Variants in CALN1 observed in about 807,000 individuals in gnomAD.
The protein encoded by CALN1 is calcium-binding protein 8.
A neutral mutation model predicts 30.6 loss-of-function variants in CALN1; 17 were observed. The ratio of observed to expected loss-of-function variants is 0.56; its 90% CI spans 0.38 to 0.83. The LOEUF is 0.83. CALN1 is among the 40% of genes least tolerant of loss of function. CALN1 has a pLI of 0.00. For missense variants in CALN1, 291 were observed against 354.9 expected, an observed-to-expected ratio of 0.82 and a Z score of 1.45; for synonymous variants, 156 against 131.4, an observed-to-expected ratio of 1.19 and a Z score of -1.28.
chr7:71,948,236 TG>T (rs11303400), intron 5 of CALN1, among the ~76,000 whole-genome samples: 105,046 of 151,776 alleles, frequency 0.69, 36,954 homozygotes, highest in Non-Finnish European at 0.74. Context: ...CTGTTCTGAG[TG>T]GGGGGGAAGA....
At chr7:72,169,222 A>G (rs1788761276) in intron 3 of CALN1, among the ~76,000 whole-genome samples, 1 of 152,100 alleles carries the variant, frequency 6.6e-6, no homozygotes, top group African/African-American at 2.4e-5. Context: ...AAAGAACTTA[A>G]GACAAAAAAA....
chr7:72,192,625 TTTATTATTATTATTA>T (rs140672013), intron 3 of CALN1, among the ~76,000 whole-genome samples: 3,088 of 143,790 alleles, frequency 0.021, 128 homozygotes, highest in East Asian at 0.11. Flanking sequence ...TCCCATTTCT[TTTATTATTATTATTA>T]TTATTATTAT....
Position 72,252,692 on chromosome 7 carries a change from C to A in CALN1, c.244+25994G>T, listed in dbSNP as rs575212554. Among the ~76,000 whole-genome samples the A allele has an allele frequency of 1.1e-4, 16 of 152,136 alleles. 1 individual carries two copies. The South Asian group carries it at 3.3e-3, about 32-fold the overall frequency. On this transcript the variant is annotated intron_variant, in intron 3 of 6. Coordinates refer to ENST00000395275, the MANE Select transcript of CALN1 (RefSeq NM_031468.4). Reference sequence around the variant, plus strand: ...CCACTGCTCCTTCCAACCTCCAGGGCCACCACCCTTGTCCTAGCCACCACC... The same window carrying A: ...CCACTGCTCCTTCCAACCTCCAGGGACACCACCCTTGTCCTAGCCACCACC...
chr7:72,261,947 T>G, intron 3 of CALN1, among the ~76,000 whole-genome samples: 1 of 151,802 alleles, frequency 6.6e-6, no homozygotes. Flanking sequence ...CTCCTGAAAA[T>G]AGGCATGCTA....
At position 72,145,001 on chromosome 7, in the gene CALN1, T is replaced by G. The variant is rs565605443; in HGVS notation, c.245-38707A>C. On this transcript the variant is annotated intron_variant, in intron 3 of 6. Coordinates refer to ENST00000395275, the MANE Select transcript of CALN1 (RefSeq NM_031468.4). ...GTAGAGGGAAATTTATAGCACTAAA[T>G]GCCCACAAGAGAAAGCAGGGAAGTT... is the stretch of plus-strand genomic sequence containing the variant. Among the ~76,000 whole-genome samples the G allele has an allele frequency of 3.9e-5, 6 of 152,190 alleles. 1 individual carries two copies. In the South Asian group the frequency reaches 1.2e-3, roughly 32 times the overall value.
intron 2 of CALN1, among the ~76,000 whole-genome samples, chr7:72,331,644 A>G (rs1315447388): frequency 1.3e-5 from 2 of 152,056 alleles, no homozygotes; most frequent in African/African-American, 2.4e-5. Context: ...CAGAATATCT[A>G]TTTATTTACT....
chr7:71,829,468 T>C (rs1315725370), intron 5 of CALN1, among the ~76,000 whole-genome samples: 1 of 152,186 alleles, frequency 6.6e-6, no homozygotes, highest in Non-Finnish European at 1.5e-5. Flanking sequence ...ACAAAGTGTA[T>C]GATAATTTGT....
At chr7:72,342,523 A>G (rs1445130598) in intron 2 of CALN1, among the ~76,000 whole-genome samples, 4 of 152,210 alleles carry the variant, frequency 2.6e-5, no homozygotes, top group Admixed American at 2.6e-4. Flanking sequence ...AACAAAATGA[A>G]CAGGAAGGAC....
intron 5 of CALN1, among the ~76,000 whole-genome samples, chr7:71,839,262 G>A (rs1029259106): frequency 6.6e-6 from 1 of 152,158 alleles, no homozygotes; most frequent in Non-Finnish European, 1.5e-5. Context: ...TTTTGGGCCA[G>A]GTGCTCATGC....
intron 5 of CALN1, among the ~76,000 whole-genome samples, chr7:71,848,112 G>A (rs943612922): frequency 1.6e-4 from 25 of 152,164 alleles, no homozygotes; most frequent in Non-Finnish European, 5.9e-5. Flanking sequence ...ATTCACCATT[G>A]CAGAAGTGAA....
intron 4 of CALN1, among the ~76,000 whole-genome samples, chr7:72,054,502 T>TATATAC (rs1554425551): frequency 9.1e-5 from 12 of 131,520 alleles, no homozygotes; most frequent in Middle Eastern, 3.9e-3. Context: ...CATATATACA[T>TATATAC]ATATATACAT....
intron 3 of CALN1, among the ~76,000 whole-genome samples, chr7:72,272,616 T>G (rs995043681): frequency 6.6e-6 from 1 of 152,088 alleles, no homozygotes. Flanking sequence ...CATGCACACA[T>G]GTGAGAGGCT....
the CALN1 span, among the ~76,000 whole-genome samples, chr7:72,503,828 G>A: frequency 1.7e-5 from 2 of 119,190 alleles, no homozygotes; most frequent in African/African-American, 8.0e-5. Flanking sequence ...TCTGGCCAGA[G>A]AGGAGGATCG....
intron 5 of CALN1, among the ~76,000 whole-genome samples, chr7:71,911,383 C>G (rs16869589): frequency 0.24 from 36,883 of 151,982 alleles, 5,011 homozygotes; most frequent in African/African-American, 0.35. Flanking sequence ...CTGGTATTCA[C>G]TGCAAGGAAC....
chr7:72,170,095 C>G (rs375744485), intron 3 of CALN1, among the ~76,000 whole-genome samples: 25 of 152,300 alleles, frequency 1.6e-4, no homozygotes, highest in African/African-American at 4.1e-4. Flanking sequence ...AACACCTAGG[C>G]TCAAGCAATC....
intron 3 of CALN1, among the ~76,000 whole-genome samples, chr7:72,249,122 G>A (rs1407178974): frequency 6.6e-6 from 1 of 152,178 alleles, no homozygotes; most frequent in Non-Finnish European, 1.5e-5. Context: ...AGTTCTGACT[G>A]ACCTGATTAG....
Position 72,338,527 on chromosome 7 carries a change from G to GTGTGTGTGTGTGTGTC in CALN1, c.120-59718_120-59717insGACACACACACACACA, listed in dbSNP as rs1190799242. ...TGTGTGTGTGTGTGTGTGTGTGTGT[G>GTGTGTGTGTGTGTGTC]TCTCACCTGGGTGTGGTTTCAGAGT... On this transcript the variant is annotated intron_variant, in intron 2 of 6. Coordinates refer to ENST00000395275, the MANE Select transcript of CALN1 (RefSeq NM_031468.4). 6.7e-4 allele frequency among the ~76,000 whole-genome samples: 97 copies of GTGTGTGTGTGTGTGTC among 144,558 alleles called. 2 individuals carry two copies. Among genetic ancestry groups the GTGTGTGTGTGTGTGTC allele is most frequent in the African/African-American group, 2.5e-3 (94 of 36,984 alleles). 94.8% of individuals were successfully genotyped at this position (144,558 alleles called of 152,430 possible). A position where few individuals can be genotyped will look rare whatever the true frequency, so the allele number is the denominator to read the frequency against.
intron 3 of CALN1, among the ~76,000 whole-genome samples, chr7:72,273,451 C>T (rs1474082900): frequency 3.8e-5 from 5 of 132,260 alleles, no homozygotes; most frequent in East Asian, 2.2e-4. Flanking sequence ...CGGGCGGGGG[C>T]GGTGGGGAAT....
At chr7:72,164,653 C>T (rs576398518) in intron 3 of CALN1, among the ~76,000 whole-genome samples, 15 of 152,114 alleles carry the variant, frequency 9.9e-5, no homozygotes, top group African/African-American at 3.6e-4. Context: ...AGCCCAGAAA[C>T]ATGGTTACAT....
Sources: allele counts gnomAD v4.1 joint callset (sites outside exome capture counted in the v4.1 genomes callset), GRCh38; gene constraint gnomAD v4.1.1; transcripts MANE v1.5; gene names NCBI Gene and HGNC (gene_info 2026-07-23, HGNC 2026-07-21).